CDK14: variants seen among roughly 807,000 people sequenced by gnomAD.
CDK14 encodes cyclin-dependent kinase 14.
Under a neutral mutation model 60.7 loss-of-function variants are expected in CDK14, and 34 were observed. The ratio of observed to expected loss-of-function variants is 0.56; its 90% CI spans 0.43 to 0.75. The LOEUF (loss-of-function observed/expected upper bound fraction) is 0.75. Ranked by LOEUF, CDK14 falls within the 30% of genes least tolerant of loss-of-function variation. The probability of loss-of-function intolerance (pLI) is 0.00; values close to 1 mark genes in which losing one functional copy is unlikely to be tolerated. For synonymous variants in CDK14, 197 were observed against 203.7 expected (o/e 0.97, Z 0.28); for missense variants, 482 against 564.1 (o/e 0.85, Z 1.47).
rs1795322106 is a variant in CDK14 at position 90,984,508 on chromosome 7, T to C, written c.1041+267T>C. On this transcript the variant is annotated intron_variant, in intron 10 of 14. Transcript: ENST00000380050. ...AAAGTAATGGGTTAAAAATGAAGGT[T>C]CTGACAGAATAATTCCAAATAATTG... Among the ~76,000 whole-genome samples the C allele has an allele frequency of 2.0e-5, 3 of 152,126 alleles. No homozygotes were observed. In the South Asian group the frequency reaches 6.2e-4, roughly 31 times the overall value.
At chr7:91,101,102 C>T (rs1049960277) in intron 12 of CDK14, among the ~76,000 whole-genome samples, 2 of 152,100 alleles carry the variant, frequency 1.3e-5, no homozygotes, top group African/African-American at 4.8e-5. Flanking sequence ...AAAGAATAGT[C>T]TCTATAGCAA....
In CDK14 at chr7:91,076,906, A is replaced by G. The variant is rs1207539056; in HGVS notation, c.1106-2526A>G. On this transcript the variant is annotated intron_variant, in intron 11 of 14. Coordinates refer to ENST00000380050, the MANE Select transcript of CDK14 (RefSeq NM_001287135.2). The stretch of plus-strand genomic sequence containing the variant: ...ACAAACATATGAAAAAAAGTTCAAC[A>G]TCACTGATCATTAGAGAATTGCAAA... Among the ~76,000 whole-genome samples, 4 of 152,266 alleles carry G rather than the reference A, an allele frequency of 2.6e-5. No individual in the cohort carries two copies. In the South Asian group the frequency reaches 6.2e-4, roughly 24 times the overall value.
At chr7:90,850,250 G>GAT (rs1407152420) in intron 5 of CDK14, among the ~76,000 whole-genome samples, 1 of 150,414 alleles carries the variant, frequency 6.6e-6, no homozygotes, top group Non-Finnish European at 1.5e-5. Context: ...TGCAATGCTA[G>GAT]ATACTGTGCT....
chr7:91,103,844 A>AAG (rs35892260), intron 12 of CDK14, among the ~76,000 whole-genome samples: 3,077 of 144,852 alleles, frequency 0.021, 34 homozygotes, highest in South Asian at 0.028. Context: ...GAGAGAGAGA[A>AAG]AGAGAGAGAG....
At chr7:90,715,261 CT>C (rs1802207174) in intron 2 of CDK14, among the ~76,000 whole-genome samples, 1 of 152,016 alleles carries the variant, frequency 6.6e-6, no homozygotes, top group East Asian at 1.9e-4. Context: ...TTGAGACTGT[CT>C]TTTGCACGGC....
At chr7:90,667,498 T>C (rs1475677666) in intron 2 of CDK14, among the ~76,000 whole-genome samples, 2 of 152,148 alleles carry the variant, frequency 1.3e-5, no homozygotes, top group East Asian at 1.9e-4. Flanking sequence ...CTGGACACTA[T>C]GTGGTTTTTC....
At chr7:90,617,309 C>T (rs892880972) in intron 2 of CDK14, among the ~76,000 whole-genome samples, 3 of 151,984 alleles carry the variant, frequency 2.0e-5, no homozygotes, top group African/African-American at 7.2e-5. Context: ...CCTAGTCTCT[C>T]TGCATCCAAA....
intron 12 of CDK14, among the ~76,000 whole-genome samples, chr7:91,106,507 A>G (rs887266381): frequency 2.0e-5 from 3 of 152,178 alleles, no homozygotes; most frequent in African/African-American, 7.2e-5. Flanking sequence ...ACATGGGTAA[A>G]TAAAATAATA....
chr7:90,994,131 G>C (rs1278331839), intron 10 of CDK14, among the ~76,000 whole-genome samples: 1 of 151,972 alleles, frequency 6.6e-6, no homozygotes, highest in Non-Finnish European at 1.5e-5. Flanking sequence ...TTCTTTTATG[G>C]TTTCAGGGTC....
chr7:91,137,557 A>G lies in CDK14; in HGVS notation c.*28+19349A>G, dbSNP rs115089859. 2.9e-3 allele frequency among the ~76,000 whole-genome samples: 448 copies of G among 152,332 alleles called. 2 individuals carry two copies. Among genetic ancestry groups the G allele is most frequent in the African/African-American group, 0.011 (443 of 41,592 alleles). On this transcript the variant is annotated intron_variant, in intron 14 of 14. Coordinates refer to ENST00000380050, the MANE Select transcript of CDK14 (RefSeq NM_001287135.2). Reference sequence around the variant, plus strand: ...ATGTTAATATTTATCTAAAAGGCAGATTTAATTAACTTTCTAAGAACATAT... The same window carrying G: ...ATGTTAATATTTATCTAAAAGGCAGGTTTAATTAACTTTCTAAGAACATAT...
At chr7:91,093,344 G>A (rs1798887040) in intron 12 of CDK14, among the ~76,000 whole-genome samples, 2 of 152,146 alleles carry the variant, frequency 1.3e-5, no homozygotes, top group Non-Finnish European at 2.9e-5. Flanking sequence ...TAAAACTAAG[G>A]TAGGCCAGAG....
intron 9 of CDK14, 30 bp downstream of exon 9, chr7:90,955,847 T>C: frequency 6.2e-7 from 1 of 1,610,416 alleles, no homozygotes; most frequent in Non-Finnish European, 8.5e-7. Flanking sequence ...CTCTAGCTAA[T>C]CTATCTGTAG....
chr7:90,676,032 C>G (rs1801192077), intron 2 of CDK14, among the ~76,000 whole-genome samples: 1 of 152,182 alleles, frequency 6.6e-6, no homozygotes, highest in Non-Finnish European at 1.5e-5. Flanking sequence ...TATGTAGATT[C>G]ATTCATTTGT....
intron 11 of CDK14, among the ~76,000 whole-genome samples, chr7:91,048,546 A>G (rs1009716684): frequency 2.0e-5 from 3 of 152,250 alleles, no homozygotes; most frequent in Non-Finnish European, 4.4e-5. Flanking sequence ...TAAAGAGCCA[A>G]CAAGTATAGA....
chr7:91,178,028 G>A (rs1483251095), intron 14 of CDK14, among the ~76,000 whole-genome samples: 2 of 103,886 alleles, frequency 1.9e-5, no homozygotes, highest in East Asian at 4.9e-4. Context: ...AAAGAACAAA[G>A]CTGGAGGCAT....
At chr7:90,973,996 A>G (rs577740707) in intron 9 of CDK14, among the ~76,000 whole-genome samples, 2 of 152,266 alleles carry the variant, frequency 1.3e-5, no homozygotes, top group East Asian at 1.9e-4. Flanking sequence ...AGACCAGGGC[A>G]TATTTCAGTC....
intron 6 of CDK14, among the ~76,000 whole-genome samples, chr7:90,865,922 AT>A (rs1302518747): frequency 6.6e-6 from 1 of 152,120 alleles, no homozygotes; most frequent in Non-Finnish European, 1.5e-5. Flanking sequence ...TTGGACTGTT[AT>A]AGCTCCTGTT....
intron 4 of CDK14, among the ~76,000 whole-genome samples, chr7:90,765,452 GGA>G (rs1299059665): frequency 1.3e-5 from 2 of 152,126 alleles, no homozygotes; most frequent in East Asian, 1.9e-4. Context: ...GAAGAACAGA[GGA>G]GAGATTGTCT....
At chr7:91,129,984 G>A (rs973625419) in intron 14 of CDK14, among the ~76,000 whole-genome samples, 13 of 152,234 alleles carry the variant, frequency 8.5e-5, no homozygotes, top group East Asian at 3.9e-4. Context: ...AACAGAATAC[G>A]AAGAGTTCAT....
Sources: allele counts gnomAD v4.1 joint callset (sites outside exome capture counted in the v4.1 genomes callset), GRCh38; gene constraint gnomAD v4.1.1; transcripts MANE v1.5; gene names NCBI Gene and HGNC (gene_info 2026-07-23, HGNC 2026-07-21).